Variants in LOXHD1 observed in about 807,000 individuals in gnomAD.
LOXHD1 encodes lipoxygenase homology PLAT domains 1, also known as lipoxygenase homology domain-containing protein 1.
A neutral mutation model predicts 248.2 loss-of-function variants in LOXHD1; 205 were observed. That is an observed-to-expected ratio of 0.83 (90% CI 0.74 to 0.93). LOXHD1 has a LOEUF of 0.93. Ranked by LOEUF, LOXHD1 falls within the 40% of genes least tolerant of loss-of-function variation. The pLI, the probability that LOXHD1 is intolerant of heterozygous loss-of-function variation, is 0.00. For missense variants in LOXHD1, 2,930 were observed against 2,971.6 expected (o/e 0.99, Z 0.33); for synonymous variants, 1,113 against 1,162.8 (o/e 0.96, Z 0.87).
chr18:46,573,489 C>A (rs551556720), intron 14 of LOXHD1, among the ~76,000 whole-genome samples: 32 of 152,300 alleles, frequency 2.1e-4, no homozygotes, highest in African/African-American at 6.0e-4. Flanking sequence ...GTCTCTCAAC[C>A]AAACCACCTC....
At chr18:46,579,187 G>A (rs978691278) in intron 13 of LOXHD1, among the ~76,000 whole-genome samples, 6 of 152,222 alleles carry the variant, frequency 3.9e-5, no homozygotes, top group Non-Finnish European at 8.8e-5. Flanking sequence ...GCTTTCTCCA[G>A]CCCAGGTCCT....
At chr18:46,585,036 A>G (rs1014191857) in intron 12 of LOXHD1, among the ~76,000 whole-genome samples, 5 of 152,186 alleles carry the variant, frequency 3.3e-5, no homozygotes, top group African/African-American at 1.2e-4. Flanking sequence ...AAAAAAACCC[A>G]TCAACAAACT....
intron 6 of LOXHD1, among the ~76,000 whole-genome samples, chr18:46,608,332 G>A (rs754256518): frequency 6.6e-6 from 1 of 151,994 alleles, no homozygotes; most frequent in Non-Finnish European, 1.5e-5. Context: ...GCCCTTTGAG[G>A]GTAAGACAAC....
chr18:46,523,362 T>C (rs2144150001), intron 31 of LOXHD1, among the ~76,000 whole-genome samples: 1 of 152,278 alleles, frequency 6.6e-6, no homozygotes, highest in East Asian at 1.9e-4. Flanking sequence ...AGCATTCATC[T>C]TGGAACCATA....
intron 10 of LOXHD1, among the ~76,000 whole-genome samples, chr18:46,593,200 A>T (rs907921456): frequency 1.3e-3 from 93 of 69,882 alleles, no homozygotes; most frequent in Non-Finnish European, 3.9e-3. Context: ...CTGAATTTTA[A>T]AAAAAGTTCT....
intron 40 of LOXHD1, among the ~76,000 whole-genome samples, chr18:46,480,835 T>C (rs980721116): frequency 2.0e-5 from 3 of 152,260 alleles, no homozygotes; most frequent in African/African-American, 7.2e-5. Context: ...AGGGAATTTT[T>C]ACTTTCTTTT....
At chr18:46,624,461 G>A (rs2038712209) in intron 4 of LOXHD1, among the ~76,000 whole-genome samples, 1 of 152,222 alleles carries the variant, frequency 6.6e-6, no homozygotes, top group Admixed American at 6.5e-5. Context: ...AATGCCATGT[G>A]CCGGTGCCGG....
chr18:46,649,089 G>T lies in LOXHD1; in HGVS notation c.245+66C>A. ...CTCCCCAGAGAAGCAGGCCACCCTTGGGTCCCAGAACCTAATCAACAGGAC... is the reference window on the plus strand; with the variant it reads ...CTCCCCAGAGAAGCAGGCCACCCTTTGGTCCCAGAACCTAATCAACAGGAC... On this transcript the variant is annotated intron_variant, in intron 2 of 40. Transcript: ENST00000642948. 7.4e-6 allele frequency: 10 copies of T among 1,349,432 alleles called. No homozygotes were observed. The East Asian group carries it at 7.5e-5, about 10-fold the overall frequency. 83.6% of individuals were successfully genotyped at this position (1,349,432 alleles called of 1,614,324 possible). A position where few individuals can be genotyped will look rare whatever the true frequency, so the allele number is the denominator to read the frequency against.
chr18:46,611,307 C>A (rs1433485325), intron 5 of LOXHD1, among the ~76,000 whole-genome samples: 1 of 152,230 alleles, frequency 6.6e-6, no homozygotes, highest in Non-Finnish European at 1.5e-5. Context: ...TTCCTTAGAC[C>A]TGACTCCTTT....
intron 21 of LOXHD1, among the ~76,000 whole-genome samples, chr18:46,553,687 A>C (rs1030186591): frequency 6.6e-6 from 1 of 152,226 alleles, no homozygotes; most frequent in African/African-American, 2.4e-5. Flanking sequence ...CTTACATTCT[A>C]TTGTGGGGAG....
At chr18:46,532,392 C>CGT (rs145332947) in intron 28 of LOXHD1, among the ~76,000 whole-genome samples, 3 of 151,876 alleles carry the variant, frequency 2.0e-5, no homozygotes, top group Non-Finnish European at 4.4e-5. Context: ...GAAAAGTGTG[C>CGT]GTGTGTGTGT....
intron 12 of LOXHD1, among the ~76,000 whole-genome samples, chr18:46,586,943 C>T (rs1396425778): frequency 1.3e-5 from 2 of 152,112 alleles, no homozygotes; most frequent in African/African-American, 4.8e-5. Context: ...TATGAGTACA[C>T]AAAGATAGAG....
At chr18:46,488,005 A>G (rs2033189661) in intron 38 of LOXHD1, among the ~76,000 whole-genome samples, 1 of 152,232 alleles carries the variant, frequency 6.6e-6, no homozygotes, top group South Asian at 2.1e-4. Context: ...CTTCAATAAC[A>G]TAAATATGAA....
At chr18:46,617,803 C>T (rs1413288217) in intron 5 of LOXHD1, among the ~76,000 whole-genome samples, 1 of 152,152 alleles carries the variant, frequency 6.6e-6, no homozygotes, top group Non-Finnish European at 1.5e-5. Context: ...CCCCAAACTA[C>T]TGCATTGAAT....
intron 12 of LOXHD1, among the ~76,000 whole-genome samples, chr18:46,584,024 G>T (rs986557534): frequency 2.0e-5 from 3 of 152,010 alleles, no homozygotes; most frequent in African/African-American, 7.2e-5. Flanking sequence ...ACAAAAAAAG[G>T]AATAAAATCC....
intron 16 of LOXHD1, among the ~76,000 whole-genome samples, chr18:46,567,082 G>A (rs897638834): frequency 1.3e-5 from 2 of 152,146 alleles, no homozygotes; most frequent in Non-Finnish European, 2.9e-5. Context: ...GCCCCCATGG[G>A]CAACATAGAG....
chr18:46,642,868 G>A (rs2038980772), intron 2 of LOXHD1, among the ~76,000 whole-genome samples: 1 of 152,220 alleles, frequency 6.6e-6, no homozygotes, highest in African/African-American at 2.4e-5. Flanking sequence ...GCTGTCCCCA[G>A]TTTATCCCAC....
Position 46,485,168 on chromosome 18 carries a change from G to T in LOXHD1, c.6050-17C>A, listed in dbSNP as rs1418180570. 12 of 1,547,088 alleles carry T rather than the reference G, an allele frequency of 7.8e-6. No homozygotes were observed. The highest frequency in any genetic ancestry group is 7.2e-5 in the South Asian group (6 of 83,716). ...TCTCGTAGGCTGTAATGGAGGAGGT[G>T]GGGGAGGGTCAGCACAGGGGAAGCA... is the stretch of plus-strand genomic sequence containing the variant. On this transcript the variant is annotated splice_polypyrimidine_tract_variant and intron_variant, in intron 38 of 40. Transcript: ENST00000642948.
At chr18:46,558,719 G>A (rs2038944599) in intron 20 of LOXHD1, among the ~76,000 whole-genome samples, 1 of 152,154 alleles carries the variant, frequency 6.6e-6, no homozygotes, top group South Asian at 2.1e-4. Flanking sequence ...TTCTAGCCAG[G>A]GGATATTATA....
Sources: gnomAD v4.1 joint callset for allele counts (sites outside exome capture counted in the v4.1 genomes callset) on GRCh38, gnomAD v4.1.1 for gene constraint, MANE v1.5 for transcripts, NCBI Gene and HGNC (gene_info 2026-07-23, HGNC 2026-07-21) for gene names.